The following TNFSF4 variants were observed in gnomAD, a reference collection of about 807,000 sequenced individuals.
The protein encoded by TNFSF4 is TNF superfamily member 4.
A neutral mutation model predicts 7.3 loss-of-function variants in TNFSF4; 4 were observed. The ratio of observed to expected loss-of-function variants is 0.55; its 90% confidence interval spans 0.27 to 1.25. TNFSF4 has a LOEUF of 1.25. Among genes scored for constraint, TNFSF4 ranks in the 50% most tolerant of loss-of-function variants. The probability of loss-of-function intolerance (pLI) is 0.12; values close to 1 mark genes in which losing one functional copy is unlikely to be tolerated. For synonymous variants in TNFSF4, 76 were observed against 83.7 expected (o/e 0.91, Z 0.50); for missense variants, 181 against 208.8 (o/e 0.87, Z 0.82).
chr1:173,182,403 T>G (rs954963488), downstream of TNFSF4, among the ~76,000 whole-genome samples: 2 of 152,196 alleles, frequency 1.3e-5, no homozygotes, highest in African/African-American at 4.8e-5. Context: ...CATACAGAGC[T>G]GCCCAGAAGC....
At chr1:173,194,694 AC>A (rs1373708416) in intron 1 of TNFSF4, among the ~76,000 whole-genome samples, 7 of 152,132 alleles carry the variant, frequency 4.6e-5, no homozygotes, top group African/African-American at 1.7e-4. Flanking sequence ...ACCAGCCTGG[AC>A]AACATGGTGA....
In TNFSF4 at chr1:173,207,242, T is replaced by A; in HGVS notation, c.-66A>T. ...GGGGAACGTGCGATAAAACTGAAGT[T>A]TTCCCCAGAAAGAAGGAGGTAAAGA... On this transcript the variant is annotated 5_prime_UTR_variant, in exon 1 of 3. Coordinates refer to ENST00000281834, the MANE Select transcript of TNFSF4 (RefSeq NM_003326.5). 6.7e-7 allele frequency: 1 copy of A among 1,499,422 alleles called. No homozygotes were observed. Among genetic ancestry groups the A allele is most frequent in the Non-Finnish European group, 9.1e-7 (1 of 1,096,044 alleles). 92.9% of individuals were successfully genotyped at this position (1,499,422 alleles called of 1,614,324 possible).
At chr1:173,190,168 G>A (rs1018972692) in intron 1 of TNFSF4, among the ~76,000 whole-genome samples, 1 of 152,044 alleles carries the variant, frequency 6.6e-6, no homozygotes, top group Non-Finnish European at 1.5e-5. Context: ...GCCCCACTAC[G>A]CTCCATCCTG....
the TNFSF4 span, among the ~76,000 whole-genome samples, chr1:173,297,857 T>G: frequency 6.6e-6 from 1 of 151,974 alleles, no homozygotes; most frequent in African/African-American, 2.4e-5. Flanking sequence ...GGGAAATGCC[T>G]CTGGTTAGAA....
chr1:173,328,128 G>A, the TNFSF4 span, among the ~76,000 whole-genome samples: 2 of 152,054 alleles, frequency 1.3e-5, no homozygotes, highest in East Asian at 1.9e-4. Context: ...TGATAGACTG[G>A]ATTAAGAAAA....
chr1:173,186,484 G>T lies in TNFSF4; in HGVS notation c.*32C>A. The T allele has an allele frequency of 6.5e-7, 1 of 1,549,072 alleles. No homozygotes were observed. ...CCACCCCCAGCTTGGTGTTCATGCT[G>T]GTGCCTGGTTTTAGATATTGCCATC... On this transcript the variant is annotated 3_prime_UTR_variant, in exon 3 of 3. Transcript: ENST00000281834.
At chr1:173,433,646 T>C in the TNFSF4 span, among the ~76,000 whole-genome samples, 701 of 151,958 alleles carry the variant, frequency 4.6e-3, 29 homozygotes, top group East Asian at 0.11. Context: ...AAGGCTGCAG[T>C]GAGCTATGAT....
chr1:173,376,609 T>C, the TNFSF4 span, among the ~76,000 whole-genome samples: 4 of 152,186 alleles, frequency 2.6e-5, no homozygotes, highest in African/African-American at 7.2e-5. Flanking sequence ...CAGTGTTCTA[T>C]GTCTAACTAA....
chr1:173,403,981 T>C, the TNFSF4 span, among the ~76,000 whole-genome samples: 1 of 151,306 alleles, frequency 6.6e-6, no homozygotes, highest in African/African-American at 2.4e-5. Flanking sequence ...TATAAAAGAG[T>C]AAGAAATGAT....
the TNFSF4 span, among the ~76,000 whole-genome samples, chr1:173,327,004 T>G: frequency 6.6e-6 from 1 of 152,114 alleles, no homozygotes; most frequent in East Asian, 1.9e-4. Flanking sequence ...CTTCACAGAA[T>G]TGAAAAAACT....
At chr1:173,394,987 CATAGATAGATAGATAG>C in the TNFSF4 span, among the ~76,000 whole-genome samples, 86 of 126,974 alleles carry the variant, frequency 6.8e-4, no homozygotes, top group East Asian at 3.4e-3. Flanking sequence ...ATAGAGGACA[CATAGATAGATAGATAG>C]ATAGATAGAT....
the TNFSF4 span, among the ~76,000 whole-genome samples, chr1:173,369,415 G>T: frequency 6.6e-6 from 1 of 152,160 alleles, no homozygotes; most frequent in Non-Finnish European, 1.5e-5. Flanking sequence ...TTCGGTAAGG[G>T]CCACTGAATC....
the TNFSF4 span, among the ~76,000 whole-genome samples, chr1:173,379,146 A>C: frequency 6.6e-6 from 1 of 152,174 alleles, no homozygotes; most frequent in Non-Finnish European, 1.5e-5. Context: ...CTGCAGCCTG[A>C]GAGTTTGGAG....
chr1:173,450,105 C>A, the TNFSF4 span, among the ~76,000 whole-genome samples: 1 of 152,054 alleles, frequency 6.6e-6, no homozygotes, highest in Admixed American at 6.6e-5. Context: ...TCACTATTAA[C>A]CCCACAGACC....
the TNFSF4 span, among the ~76,000 whole-genome samples, chr1:173,392,665 GA>G: frequency 6.6e-6 from 1 of 152,146 alleles, no homozygotes; most frequent in Admixed American, 6.5e-5. Flanking sequence ...TGGCATTTTA[GA>G]AGGCAAAATG....
At chr1:173,436,589 T>C in the TNFSF4 span, among the ~76,000 whole-genome samples, 1 of 152,132 alleles carries the variant, frequency 6.6e-6, no homozygotes, top group Non-Finnish European at 1.5e-5. Context: ...TTTGTATTTT[T>C]AGTAGAGGTG....
chr1:173,231,710 A>C, the TNFSF4 span, among the ~76,000 whole-genome samples: 4 of 152,276 alleles, frequency 2.6e-5, no homozygotes, highest in South Asian at 2.1e-4. Context: ...ATATTTAGAA[A>C]ACCCCATCAT....
At chr1:173,304,987 G>C in the TNFSF4 span, among the ~76,000 whole-genome samples, 1 of 151,930 alleles carries the variant, frequency 6.6e-6, no homozygotes, top group African/African-American at 2.4e-5. Flanking sequence ...TGCAAACCCA[G>C]ATTGATGCAC....
chr1:173,181,287 G>A (rs1400402872), downstream of TNFSF4, among the ~76,000 whole-genome samples: 3 of 152,050 alleles, frequency 2.0e-5, no homozygotes, highest in African/African-American at 7.3e-5. Flanking sequence ...TGTTGTTATT[G>A]TTCTTTGTTT....
Sources: gnomAD v4.1 joint callset for allele counts (sites outside exome capture counted in the v4.1 genomes callset) on GRCh38, gnomAD v4.1.1 for gene constraint, MANE v1.5 for transcripts, NCBI Gene and HGNC (gene_info 2026-07-23, HGNC 2026-07-21) for gene names.